The following ENTHD1 variants were observed in gnomAD, a reference collection of about 807,000 sequenced individuals.
ENTHD1 encodes the protein ENTH domain containing 1, also known as ENTH domain-containing protein 1.
Under a neutral mutation model 39.1 loss-of-function variants are expected in ENTHD1, and 23 were observed. The observed-to-expected ratio is 0.59, with a 90% CI of 0.42 to 0.83. The LOEUF is 0.83. Among genes scored for constraint, ENTHD1 ranks in the 40% least tolerant of loss-of-function variants. The pLI, the probability that ENTHD1 is intolerant of heterozygous loss-of-function variation, is 0.00. For synonymous variants in ENTHD1, 230 were observed against 258.2 expected, an observed-to-expected ratio of 0.89 and a Z score of 1.05; for missense variants, 624 against 705.4, an observed-to-expected ratio of 0.88 and a Z score of 1.31.
chr22:39,777,140 G>C (rs1357155004), intron 5 of ENTHD1, among the ~76,000 whole-genome samples: 1 of 152,154 alleles, frequency 6.6e-6, no homozygotes, highest in Non-Finnish European at 1.5e-5. Flanking sequence ...TCAATCAGAG[G>C]AAATAGAATC....
intron 5 of ENTHD1, among the ~76,000 whole-genome samples, chr22:39,796,529 C>G (rs1417568063): frequency 1.3e-5 from 2 of 152,142 alleles, no homozygotes; most frequent in Non-Finnish European, 2.9e-5. Context: ...TTTGGCTTCC[C>G]AAAGTGCTGA....
intron 5 of ENTHD1, among the ~76,000 whole-genome samples, chr22:39,784,573 C>T (rs1240303641): frequency 6.6e-6 from 1 of 151,548 alleles, no homozygotes; most frequent in Non-Finnish European, 1.5e-5. Flanking sequence ...CACACACACA[C>T]ACACACACAC....
chr22:39,870,792 A>T (rs922441935), intron 2 of ENTHD1, among the ~76,000 whole-genome samples: 2 of 152,206 alleles, frequency 1.3e-5, no homozygotes, highest in African/African-American at 2.4e-5. Flanking sequence ...CAATGTGTGA[A>T]TCAATAATTA....
At chr22:39,789,190 T>G (rs1316050442) in intron 5 of ENTHD1, among the ~76,000 whole-genome samples, 3 of 152,112 alleles carry the variant, frequency 2.0e-5, no homozygotes, top group African/African-American at 7.2e-5. Context: ...AACACAAGAG[T>G]GCAGGTATCT....
intron 5 of ENTHD1, among the ~76,000 whole-genome samples, chr22:39,779,151 TACTAAAA>T (rs1278889277): frequency 6.6e-6 from 1 of 152,082 alleles, no homozygotes; most frequent in Non-Finnish European, 1.5e-5. Context: ...ACCCCATCTC[TACTAAAA>T]ACACAAAAAT....
chr22:39,820,176 T>C (rs116058099), intron 5 of ENTHD1, among the ~76,000 whole-genome samples: 2 of 152,180 alleles, frequency 1.3e-5, no homozygotes, highest in African/African-American at 4.8e-5. Context: ...CCCATACTAA[T>C]AAACTATAGC....
intron 5 of ENTHD1, among the ~76,000 whole-genome samples, chr22:39,783,029 C>T (rs895335305): frequency 1.3e-5 from 2 of 152,096 alleles, no homozygotes. Flanking sequence ...CTTAGAAAAA[C>T]CCAAATATTC....
intron 3 of ENTHD1, among the ~76,000 whole-genome samples, chr22:39,858,666 C>T (rs185385237): frequency 6.6e-6 from 1 of 152,310 alleles, no homozygotes; most frequent in East Asian, 1.9e-4. Flanking sequence ...AGAATAAACA[C>T]TGTGTTTTAG....
At position 39,743,080 on chromosome 22, in the gene ENTHD1, A is replaced by G. The variant is rs181016845; in HGVS notation, c.*599T>C. The stretch of plus-strand genomic sequence containing the variant: ...AAATTTATTTTCTGAAGTAGAATAA[A>G]AGGATGCATTTGAATTCACCTTGCA... On this transcript the variant is annotated 3_prime_UTR_variant, in exon 7 of 7. Transcript: ENST00000325157. 1 of 152,368 alleles carries G rather than the reference A, an allele frequency of 6.6e-6. No homozygotes were observed. Among genetic ancestry groups the G allele is most frequent in the Admixed American group, 6.5e-5 (1 of 15,308 alleles). 9.4% of individuals were successfully genotyped at this position (152,368 alleles called of 1,614,324 possible).
intron 5 of ENTHD1, among the ~76,000 whole-genome samples, chr22:39,797,014 A>G (rs2065555808): frequency 6.6e-6 from 1 of 152,202 alleles, no homozygotes; most frequent in Non-Finnish European, 1.5e-5. Flanking sequence ...TTTTAGATTT[A>G]ATAATATTTG....
Position 39,765,208 on chromosome 22 carries a change from G to T in ENTHD1, c.1219+15C>A. The T allele has an allele frequency of 6.4e-7, 1 of 1,562,982 alleles. No individual in the cohort carries two copies. The highest frequency in any genetic ancestry group is 8.7e-7 in the Non-Finnish European group (1 of 1,154,314). ...TGTGTGTGTGTGTGTGTGTGTGTGT[G>T]TTTGGCAGACTCACCCCGTGTGGTT... On this transcript the variant is annotated intron_variant, in intron 6 of 6. Coordinates refer to ENST00000325157, the MANE Select transcript of ENTHD1 (RefSeq NM_152512.4).
chr22:39,869,862 AT>A (rs2066225236), intron 2 of ENTHD1, among the ~76,000 whole-genome samples: 1 of 152,036 alleles, frequency 6.6e-6, no homozygotes. Context: ...TATGAAAAAA[AT>A]CAATTAAAAT....
intron 2 of ENTHD1, among the ~76,000 whole-genome samples, chr22:39,878,073 C>T (rs763918497): frequency 2.6e-5 from 4 of 152,062 alleles, no homozygotes; most frequent in Admixed American, 6.5e-5. Context: ...CAGCATGCAG[C>T]ATAGATGGGT....
chr22:39,822,857 C>T (rs2065794059), intron 4 of ENTHD1, among the ~76,000 whole-genome samples: 1 of 152,164 alleles, frequency 6.6e-6, no homozygotes, highest in African/African-American at 2.4e-5. Flanking sequence ...CATTTTAGAT[C>T]CACATGTAAG....
At chr22:39,829,159 A>C (rs756943152) in intron 4 of ENTHD1, among the ~76,000 whole-genome samples, 2 of 152,198 alleles carry the variant, frequency 1.3e-5, no homozygotes, top group Non-Finnish European at 1.5e-5. Flanking sequence ...GAATGTAACA[A>C]ATGCTCCTAA....
intron 2 of ENTHD1, among the ~76,000 whole-genome samples, chr22:39,878,600 G>T (rs2146760020): frequency 6.6e-6 from 1 of 151,394 alleles, no homozygotes; most frequent in African/African-American, 2.4e-5. Context: ...CCAAAACTAA[G>T]AAAGTGAAGG....
chr22:39,764,699 C>T lies in ENTHD1; in HGVS notation c.1219+524G>A, dbSNP rs2065260971. 3.3e-5 allele frequency among the ~76,000 whole-genome samples: 5 copies of T among 151,194 alleles called. No homozygotes were observed. The South Asian group carries it at 6.3e-4, about 19-fold the overall frequency. ...CCTTTATTACCCAGTCTAAACAATA[C>T]TGCAATCTTCTTAAGGTTTTTTATA... On this transcript the variant is annotated intron_variant, in intron 6 of 6. Transcript: ENST00000325157.
chr22:39,776,864 CTT>C (rs916043907), intron 5 of ENTHD1, among the ~76,000 whole-genome samples: 1 of 152,176 alleles, frequency 6.6e-6, no homozygotes, highest in African/African-American at 2.4e-5. Context: ...CCTGCTACCT[CTT>C]TTTCATTTTG....
At chr22:39,816,854 A>AAGATATT (rs1285696557) in intron 5 of ENTHD1, among the ~76,000 whole-genome samples, 1 of 152,048 alleles carries the variant, frequency 6.6e-6, no homozygotes, top group Non-Finnish European at 1.5e-5. Context: ...CACAAGCTGA[A>AAGATATT]AGATATTTGC....
Sources: gnomAD v4.1 joint callset for allele counts (sites outside exome capture counted in the v4.1 genomes callset) on GRCh38, gnomAD v4.1.1 for gene constraint, MANE v1.5 for transcripts, NCBI Gene and HGNC (gene_info 2026-07-23, HGNC 2026-07-21) for gene names.